Variants in COPG2 observed in about 807,000 individuals in gnomAD.
The protein encoded by COPG2 is coat protein complex I subunit gamma 2.
COPG2 carries 37 observed loss-of-function variants against 46.3 expected under a neutral mutation model. The ratio of observed to expected loss-of-function variants is 0.80; its 90% CI spans 0.61 to 1.05. The LOEUF (loss-of-function observed/expected upper bound fraction) is 1.05, where lower values mean the gene tolerates loss of function less well. Among genes scored for constraint, COPG2 ranks in the 50% least tolerant of loss-of-function variants. COPG2 has a pLI of 0.00. For missense variants in COPG2, 427 were observed against 387.8 expected, an observed-to-expected ratio of 1.10 and a Z score of -0.85; for synonymous variants, 159 against 129.7, an observed-to-expected ratio of 1.23 and a Z score of -1.53.
intron 5 of COPG2, among the ~76,000 whole-genome samples, chr7:130,630,487 G>T (rs1554455018): frequency 6.6e-6 from 1 of 152,124 alleles, no homozygotes; most frequent in Non-Finnish European, 1.5e-5. Flanking sequence ...AATGTCATCA[G>T]CAAAGAGTCT....
At chr7:130,591,234 C>G (rs1305234612) in intron 9 of COPG2, among the ~76,000 whole-genome samples, 2 of 131,678 alleles carry the variant, frequency 1.5e-5, no homozygotes, top group Non-Finnish European at 3.3e-5. Flanking sequence ...GAGGACCCCT[C>G]TGCCTGGCCA....
chr7:130,659,094 G>A (rs1244232605), intron 4 of COPG2, among the ~76,000 whole-genome samples: 3 of 151,948 alleles, frequency 2.0e-5, no homozygotes, highest in Admixed American at 6.6e-5. Context: ...GGTAGCTTAC[G>A]CCTGCAATCC....
intron 5 of COPG2, among the ~76,000 whole-genome samples, chr7:130,629,754 C>G (rs1474994410): frequency 6.6e-6 from 1 of 151,922 alleles, no homozygotes; most frequent in Non-Finnish European, 1.5e-5. Flanking sequence ...TCTTGAAATT[C>G]TTTTTTAGGA....
intron 12 of COPG2, among the ~76,000 whole-genome samples, chr7:130,558,696 T>G (rs1002205589): frequency 1.3e-5 from 2 of 152,034 alleles, no homozygotes; most frequent in Non-Finnish European, 2.9e-5. Flanking sequence ...AATTTTTGTA[T>G]TTTTTTGTAG....
intron 5 of COPG2, among the ~76,000 whole-genome samples, chr7:130,652,601 G>A (rs780859276): frequency 5.3e-5 from 8 of 152,136 alleles, no homozygotes; most frequent in Admixed American, 2.6e-4. Flanking sequence ...TTCAGTGCAC[G>A]TTATCTTTTA....
intron 9 of COPG2, among the ~76,000 whole-genome samples, chr7:130,586,905 GC>G (rs1338291667): frequency 6.6e-6 from 1 of 151,916 alleles, no homozygotes; most frequent in African/African-American, 2.4e-5. Flanking sequence ...ATAGCTATTA[GC>G]CAACACTCAA....
chr7:130,587,629 T>C (rs897514876), intron 9 of COPG2, among the ~76,000 whole-genome samples: 31 of 152,130 alleles, frequency 2.0e-4, no homozygotes, highest in Non-Finnish European at 4.1e-4. Flanking sequence ...TTGCACCTTA[T>C]ACAAAAATTA....
chr7:130,523,865 G>A (rs1178502861), intron 20 of COPG2, among the ~76,000 whole-genome samples: 1 of 152,010 alleles, frequency 6.6e-6, no homozygotes, highest in Non-Finnish European at 1.5e-5. Flanking sequence ...GCAGGAGGAG[G>A]GTGGGACTGA....
chr7:130,601,168 C>T (rs1794625889), intron 9 of COPG2, among the ~76,000 whole-genome samples: 1 of 152,172 alleles, frequency 6.6e-6, no homozygotes, highest in Non-Finnish European at 1.5e-5. Context: ...CAGGAAACAA[C>T]AGATGCTGGA....
chr7:130,611,828 AG>A (rs1794855032), intron 8 of COPG2, among the ~76,000 whole-genome samples: 1 of 152,216 alleles, frequency 6.6e-6, no homozygotes, highest in African/African-American at 2.4e-5. Flanking sequence ...CCTATAATCA[AG>A]GCCTCAGAAC....
Position 130,564,181 on chromosome 7 carries a change from A to C in COPG2, c.871+79T>G, listed in dbSNP as rs1031332099. 2.9e-3 allele frequency: 1,141 copies of C among 398,404 alleles called. 2 individuals carry two copies. The highest frequency in any genetic ancestry group is 3.9e-3 in the Admixed American group (89 of 22,734). The allele number at this position is 398,404 out of a possible 1,614,324, so 24.7% of individuals were successfully genotyped here. On this transcript the variant is annotated intron_variant, in intron 10 of 23. Coordinates refer to ENST00000425248, the MANE Select transcript of COPG2 (RefSeq NM_012133.6). The stretch of plus-strand genomic sequence containing the variant: ...GAGCTAGTGTTCAGAAAACATTCTT[A>C]ATACCTATTCTGTAGACCTATGAAA...
chr7:130,623,104 G>A (rs1056203049), intron 5 of COPG2, among the ~76,000 whole-genome samples: 2 of 152,290 alleles, frequency 1.3e-5, no homozygotes. Flanking sequence ...TCAGCTGCCT[G>A]TGGTTGCCAA....
intron 9 of COPG2, among the ~76,000 whole-genome samples, chr7:130,569,580 A>G (rs1254491548): frequency 6.6e-6 from 1 of 152,182 alleles, no homozygotes; most frequent in Non-Finnish European, 1.5e-5. Context: ...TTTCCAACAA[A>G]AAAAAGTCCA....
intron 20 of COPG2, among the ~76,000 whole-genome samples, chr7:130,511,152 G>A (rs1799588943): frequency 1.3e-5 from 2 of 152,178 alleles, no homozygotes; most frequent in Admixed American, 6.5e-5. Flanking sequence ...TGTGGCAAAG[G>A]GCAGAGTGGG....
chr7:130,649,491 G>A (rs912387643), intron 5 of COPG2, among the ~76,000 whole-genome samples: 16 of 152,168 alleles, frequency 1.1e-4, no homozygotes, highest in Non-Finnish European at 2.1e-4. Flanking sequence ...CAAGTTCACT[G>A]TTTGTAAGTC....
At chr7:130,519,410 T>C (rs1799707571) in intron 20 of COPG2, among the ~76,000 whole-genome samples, 5 of 152,100 alleles carry the variant, frequency 3.3e-5, no homozygotes. Flanking sequence ...ATGTCCAGAC[T>C]GAATGGAGGG....
rs1298428916 is a variant in COPG2 at position 130,561,161 on chromosome 7, T to G, written c.1000A>C (p.Thr334Pro). The stretch of plus-strand genomic sequence containing the variant: ...GTAGCAATGCTTCTGTTTGAGTCTG[T>G]GATTAAGTTTTCTAAGTCCAGATTG... Reference protein sequence around the residue: ...ACNLDLENLITDSNRSIATLA... With the variant: ...ACNLDLENLIPDSNRSIATLA... The change falls in exon 12 of 24, where the codon ACA (threonine) becomes CCA (proline). Residue 334 changes from threonine to proline, a missense_variant. Coordinates refer to ENST00000425248, the MANE Select transcript of COPG2 (RefSeq NM_012133.6). The G allele has an allele frequency of 7.5e-6, 3 of 398,512 alleles. No individual in the cohort carries two copies. Among genetic ancestry groups the G allele is most frequent in the Non-Finnish European group, 1.3e-5 (3 of 226,040 alleles). The allele number at this position is 398,512 out of a possible 1,614,324, so 24.7% of individuals were successfully genotyped here.
intron 5 of COPG2, among the ~76,000 whole-genome samples, chr7:130,622,634 G>A (rs926064639): frequency 6.6e-6 from 1 of 152,132 alleles, no homozygotes; most frequent in Admixed American, 6.5e-5. Context: ...AATCCTTGCT[G>A]CTACAACTAA....
At chr7:130,613,482 T>C (rs541857706) in intron 7 of COPG2, 62 bp downstream of exon 7, 1 of 948,074 alleles carries the variant, frequency 1.1e-6, no homozygotes, top group Non-Finnish European at 1.7e-6. Context: ...ATAGTGATAC[T>C]TTGTTTTCGC....
Sources: allele counts gnomAD v4.1 joint callset (sites outside exome capture counted in the v4.1 genomes callset), GRCh38; gene constraint gnomAD v4.1.1; transcripts MANE v1.5; gene names NCBI Gene and HGNC (gene_info 2026-07-23, HGNC 2026-07-21).